Variants in TACC2 observed in about 807,000 individuals in gnomAD.
TACC2 encodes transforming acidic coiled-coil-containing protein 2.
In TACC2, 137 loss-of-function variants were observed where a neutral mutation model predicts 227.3. The observed-to-expected ratio is 0.60, with a 90% CI of 0.52 to 0.69. TACC2 has a LOEUF of 0.69. TACC2 is among the 30% of genes least tolerant of loss of function. TACC2 has a pLI of 0.00. For synonymous variants in TACC2, 1,523 were observed against 1,487.5 expected, an observed-to-expected ratio of 1.02 and a Z score of -0.55; for missense variants, 3,470 against 3,694.4, an observed-to-expected ratio of 0.94 and a Z score of 1.57.
chr10:122,056,740 T>C (rs2459101), intron 3 of TACC2, among the ~76,000 whole-genome samples: 120,959 of 152,012 alleles, frequency 0.8, 48,579 homozygotes, highest in East Asian at 0.95. Context: ...TAGGGCTGAG[T>C]AGGAAGTGAG....
intron 7 of TACC2, among the ~76,000 whole-genome samples, chr10:122,185,593 A>C (rs1350326899): frequency 6.6e-6 from 1 of 152,204 alleles, no homozygotes; most frequent in Non-Finnish European, 1.5e-5. Context: ...AACCTATTAG[A>C]CTAGACTGTA....
chr10:122,180,560 G>T lies in TACC2; in HGVS notation c.5835-14480G>T, dbSNP rs2093939207. ...TCACCATGTTAGCCAGGATGGTCTCGATCTCCTGACCTTGTGATCCACCTG... is the reference window on the plus strand; with the variant it reads ...TCACCATGTTAGCCAGGATGGTCTCTATCTCCTGACCTTGTGATCCACCTG... On this transcript the variant is annotated intron_variant, in intron 7 of 22. Coordinates refer to ENST00000369005, the MANE Select transcript of TACC2 (RefSeq NM_206862.4). The surrounding 1 kb of genome is among the most constrained non-coding windows in gnomAD (Gnocchi z 4.5). Among the ~76,000 whole-genome samples, 1 of 151,954 alleles carries T rather than the reference G, an allele frequency of 6.6e-6. No individual in the cohort carries two copies. Among genetic ancestry groups the T allele is most frequent in the Non-Finnish European group, 1.5e-5 (1 of 67,990 alleles).
At chr10:122,146,068 G>A (rs907379397) in intron 7 of TACC2, among the ~76,000 whole-genome samples, 1 of 152,206 alleles carries the variant, frequency 6.6e-6, no homozygotes, top group African/African-American at 2.4e-5. Context: ...TAGACATGGA[G>A]CAATGAGTTA....
intron 5 of TACC2, among the ~76,000 whole-genome samples, chr10:122,092,836 G>A (rs2080972469): frequency 6.6e-6 from 1 of 152,224 alleles, no homozygotes; most frequent in Non-Finnish European, 1.5e-5. Flanking sequence ...TCTGTACATT[G>A]TATGATCCTC....
chr10:122,035,870 T>C (rs1195793872), intron 2 of TACC2, among the ~76,000 whole-genome samples: 2 of 152,050 alleles, frequency 1.3e-5, no homozygotes, highest in African/African-American at 2.4e-5. Flanking sequence ...TGGAGTGCAG[T>C]AGTGCAATCA....
At chr10:122,244,888 T>G (rs1273656347) in intron 19 of TACC2, among the ~76,000 whole-genome samples, 1 of 152,240 alleles carries the variant, frequency 6.6e-6, no homozygotes, top group Non-Finnish European at 1.5e-5. Context: ...TGGAGAGATA[T>G]GTTTTGTTAA....
intron 7 of TACC2, among the ~76,000 whole-genome samples, chr10:122,145,655 A>C (rs1471874776): frequency 1.3e-5 from 2 of 152,218 alleles, no homozygotes; most frequent in Non-Finnish European, 2.9e-5. Flanking sequence ...TTTTTTTAAA[A>C]GAACTTATCC....
At chr10:122,120,756 T>A (rs555920905) in intron 5 of TACC2, among the ~76,000 whole-genome samples, 8 of 151,928 alleles carry the variant, frequency 5.3e-5, no homozygotes, top group East Asian at 1.9e-4. Flanking sequence ...GTATTCATTC[T>A]TTCTTTCTTT....
intron 2 of TACC2, chr10:122,033,018 C>T: frequency 1.0e-6 from 1 of 975,514 alleles, no homozygotes. Context: ...AAAAACCCCA[C>T]AAAAACACCA....
At chr10:121,993,459 G>A (rs1953124026) in intron 1 of TACC2, among the ~76,000 whole-genome samples, 1 of 152,126 alleles carries the variant, frequency 6.6e-6, no homozygotes. Flanking sequence ...CTGCTCCCGA[G>A]TCCACCCACT....
At chr10:122,091,547 GA>G (rs1379738123) in intron 5 of TACC2, among the ~76,000 whole-genome samples, 1 of 152,170 alleles carries the variant, frequency 6.6e-6, no homozygotes, top group Non-Finnish European at 1.5e-5. Flanking sequence ...GGCTCTTGGG[GA>G]AAAGGCTTCC....
chr10:122,181,104 T>C (rs1372763225), intron 7 of TACC2, among the ~76,000 whole-genome samples: 5 of 152,170 alleles, frequency 3.3e-5, no homozygotes, highest in Admixed American at 3.3e-4. Flanking sequence ...CCAGCCCTTC[T>C]TCTGTTTGGC....
At chr10:122,165,475 A>T (rs146839352) in intron 7 of TACC2, among the ~76,000 whole-genome samples, 428 of 152,292 alleles carry the variant, frequency 2.8e-3, no homozygotes, top group Non-Finnish European at 4.5e-3. Context: ...CCTCTTTTTC[A>T]GCTGAGTTAA....
At chr10:122,212,447 A>G (rs1362241070) in intron 9 of TACC2, among the ~76,000 whole-genome samples, 1 of 152,092 alleles carries the variant, frequency 6.6e-6, no homozygotes, top group Non-Finnish European at 1.5e-5. Context: ...TCAAACACCC[A>G]TGCCTCCAGA....
chr10:122,016,121 GC>G (rs1450453343), intron 1 of TACC2, among the ~76,000 whole-genome samples: 1 of 151,374 alleles, frequency 6.6e-6, no homozygotes, highest in African/African-American at 2.4e-5. Context: ...GAGTAGCCAG[GC>G]ATGGTGGTGC....
At chr10:122,203,454 G>A (rs867282014) in intron 8 of TACC2, among the ~76,000 whole-genome samples, 1 of 150,794 alleles carries the variant, frequency 6.6e-6, no homozygotes, top group Non-Finnish European at 1.5e-5. Flanking sequence ...GGTGGCTGCC[G>A]GGTGGAGACG....
intron 13 of TACC2, 83 bp from the exon 14 acceptor site, chr10:122,227,754 T>C: frequency 3.5e-6 from 5 of 1,438,162 alleles, no homozygotes; most frequent in Admixed American, 2.0e-5. Flanking sequence ...CCTTGTGATA[T>C]TGACTTGGTC....
chr10:122,205,731 C>T lies in TACC2; in HGVS notation c.5972-4666C>T, dbSNP rs1213304227. Among the ~76,000 whole-genome samples, 4 of 152,212 alleles carry T rather than the reference C, an allele frequency of 2.6e-5. No homozygotes were observed. The highest frequency in any genetic ancestry group is 1.9e-4 in the East Asian group (1 of 5,164). On this transcript the variant is annotated intron_variant, in intron 8 of 22. Coordinates refer to ENST00000369005, the MANE Select transcript of TACC2 (RefSeq NM_206862.4). This position sits in a 1 kb window ranked among gnomAD's most constrained non-coding sequence, Gnocchi z 4.5. ...CTGCAGAGGAAGGGGCGGATGGAGG[C>T]GGAGTCTGGGGTTTTAATGAGTGTC...
intron 18 of TACC2, among the ~76,000 whole-genome samples, chr10:122,241,282 C>T (rs1241682198): frequency 6.6e-6 from 1 of 152,034 alleles, no homozygotes; most frequent in African/African-American, 2.4e-5. Flanking sequence ...GGAGGTTTGG[C>T]TTTATTTTTA....
Sources: allele counts gnomAD v4.1 joint callset (sites outside exome capture counted in the v4.1 genomes callset), GRCh38; gene constraint gnomAD v4.1.1; non-coding constraint Gnocchi (gnomAD v3.1); transcripts MANE v1.5; gene names NCBI Gene and HGNC (gene_info 2026-07-23, HGNC 2026-07-21).